PPP1CB: variants seen among roughly 807,000 people sequenced by gnomAD.
PPP1CB encodes the protein protein phosphatase 1 catalytic subunit beta, also known as serine/threonine-protein phosphatase PP1-beta catalytic subunit.
PPP1CB carries 2 observed loss-of-function variants against 43.7 expected under a neutral mutation model. The observed-to-expected ratio is 0.05, with a 90% confidence interval of 0.02 to 0.14. PPP1CB has a LOEUF of 0.14. Ranked by LOEUF, PPP1CB falls within the 10% of genes least tolerant of loss-of-function variation. The pLI, the probability that PPP1CB is intolerant of heterozygous loss-of-function variation, is 1.00. For missense variants in PPP1CB, 84 were observed against 398.0 expected, an observed-to-expected ratio of 0.21 and a Z score of 6.71; for synonymous variants, 136 against 135.6, an observed-to-expected ratio of 1.00 and a Z score of -0.02.
At position 28,800,590 on chromosome 2, in the gene PPP1CB, ATTTC is replaced by A. The variant is rs1386094749; in HGVS notation, c.*1291_*1294del. The A allele has an allele frequency of 6.6e-6, 1 of 152,078 alleles. No individual in the cohort carries two copies. Among genetic ancestry groups the A allele is most frequent in the Non-Finnish European group, 1.5e-5 (1 of 67,804 alleles). 9.4% of individuals were successfully genotyped at this position (152,078 alleles called of 1,614,324 possible). On this transcript the variant is annotated 3_prime_UTR_variant, in exon 8 of 8. Transcript: ENST00000395366. Reference sequence around the variant, plus strand: ...AGTTTATTGCAGCCTTTCTTTTCCTATTTCTTTTTTTTAAGGGTTAGTATTAACA... The same window carrying A: ...AGTTTATTGCAGCCTTTCTTTTCCTATTTTTTTTAAGGGTTAGTATTAACA...
At chr2:28,776,174 C>T (rs190548377) in intron 1 of PPP1CB, among the ~76,000 whole-genome samples, 1 of 151,054 alleles carries the variant, frequency 6.6e-6, no homozygotes, top group African/African-American at 2.4e-5. Flanking sequence ...CTACTAGATG[C>T]GAGATAAGCA....
At chr2:28,774,081 C>G (rs1200782897) in intron 1 of PPP1CB, among the ~76,000 whole-genome samples, 4 of 152,194 alleles carry the variant, frequency 2.6e-5, no homozygotes, top group African/African-American at 9.7e-5. Context: ...GCTTGACTTA[C>G]AAGTTGAAGC....
intron 1 of PPP1CB, among the ~76,000 whole-genome samples, chr2:28,761,556 C>T (rs1287950550): frequency 2.0e-5 from 3 of 152,182 alleles, no homozygotes; most frequent in Non-Finnish European, 4.4e-5. Context: ...GAAATACTAA[C>T]AGAGAGCTCT....
rs1369526583 is a variant in PPP1CB at position 28,802,695 on chromosome 2, G to A, written c.*3392G>A. 1 of 152,190 alleles carries A rather than the reference G, an allele frequency of 6.6e-6. No individual in the cohort carries two copies. The highest frequency in any genetic ancestry group is 1.5e-5 in the Non-Finnish European group (1 of 68,036). 9.4% of individuals were successfully genotyped at this position (152,190 alleles called of 1,614,324 possible). A position where few individuals can be genotyped will look rare whatever the true frequency, so the allele number is the denominator to read the frequency against. ...AGATACAATTGTGATTGGATACTTAGATACTAAGTGAAACTTAGTGTAACA... is the reference window on the plus strand; with the variant it reads ...AGATACAATTGTGATTGGATACTTAAATACTAAGTGAAACTTAGTGTAACA... On this transcript the variant is annotated 3_prime_UTR_variant, in exon 8 of 8. Coordinates refer to ENST00000395366, the MANE Select transcript of PPP1CB (RefSeq NM_002709.3).
chr2:28,794,408 T>A (rs2148060753), intron 7 of PPP1CB, among the ~76,000 whole-genome samples: 1 of 152,252 alleles, frequency 6.6e-6, no homozygotes, highest in Non-Finnish European at 1.5e-5. Context: ...AATAGTTCCC[T>A]GGCTGGGCAC....
chr2:28,757,002 A>G (rs776162620), intron 1 of PPP1CB, among the ~76,000 whole-genome samples: 4 of 152,278 alleles, frequency 2.6e-5, no homozygotes, highest in East Asian at 3.9e-4. Flanking sequence ...TTTCAAACAC[A>G]TATACCCCCC....
At chr2:28,751,703 C>G (rs1234052767), upstream of PPP1CB, 3 of 226,778 alleles carry the variant, frequency 1.3e-5, no homozygotes, top group Non-Finnish European at 2.6e-5. Context: ...GCCCAGGCGT[C>G]GAGGGGAGCC....
At chr2:28,761,803 A>G (rs538373222) in intron 1 of PPP1CB, among the ~76,000 whole-genome samples, 1 of 152,324 alleles carries the variant, frequency 6.6e-6, no homozygotes, top group South Asian at 2.1e-4. Flanking sequence ...AAAATGGTGA[A>G]AAGTGATTTA....
chr2:28,766,054 T>C (rs1666771161), intron 1 of PPP1CB, among the ~76,000 whole-genome samples: 1 of 152,250 alleles, frequency 6.6e-6, no homozygotes, highest in Non-Finnish European at 1.5e-5. Context: ...AGGGGAGCTT[T>C]CATTCTATTT....
chr2:28,786,223 C>A (rs4477866), intron 5 of PPP1CB, among the ~76,000 whole-genome samples: 69,277 of 151,852 alleles, frequency 0.46, 17,188 homozygotes, highest in Middle Eastern at 0.58. Context: ...AAGCAGTTCT[C>A]TTGCTTCAGC....
At chr2:28,752,250 C>T (rs1666318950) in intron 1 of PPP1CB, 74 bp downstream of exon 1, 7 of 1,352,420 alleles carry the variant, frequency 5.2e-6, no homozygotes, top group African/African-American at 1.5e-5. Flanking sequence ...CGTCTGCCGC[C>T]GGAACGCGAG....
In PPP1CB at chr2:28,785,065, C is replaced by CTTTTTTTTTTTTTTTT. The variant is rs769650329; in HGVS notation, c.592+1100_592+1115dup. ...ATGTTGTAATAAATTGTGTTAGGAG[C>CTTTTTTTTTTTTTTTT]TTTTTTTTTTTTTTTTTTTTTTTTT... On this transcript the variant is annotated intron_variant, in intron 5 of 7. Transcript: ENST00000395366. Among the ~76,000 whole-genome samples the CTTTTTTTTTTTTTTTT allele has an allele frequency of 1.7e-3, 91 of 54,996 alleles. 19 individuals are homozygous for CTTTTTTTTTTTTTTTT. The highest frequency in any genetic ancestry group is 2.5e-3 in the Non-Finnish European group (71 of 28,692). 36.1% of individuals were successfully genotyped at this position (54,996 alleles called of 152,430 possible).
chr2:28,756,394 G>C (rs1666489819), intron 1 of PPP1CB, among the ~76,000 whole-genome samples: 1 of 152,182 alleles, frequency 6.6e-6, no homozygotes, highest in Non-Finnish European at 1.5e-5. Flanking sequence ...TGACCTGTCA[G>C]ATGTCTGAAT....
intron 1 of PPP1CB, among the ~76,000 whole-genome samples, chr2:28,762,627 A>G (rs1253788853): frequency 6.6e-6 from 1 of 152,256 alleles, no homozygotes; most frequent in African/African-American, 2.4e-5. Context: ...TGAATTTTAA[A>G]AGAGATGTGG....
chr2:28,794,055 A>C, intron 7 of PPP1CB, 58 bp downstream of exon 7: 1 of 1,434,212 alleles, frequency 7.0e-7, no homozygotes, highest in Non-Finnish European at 9.5e-7. Flanking sequence ...TATTATCAGA[A>C]TTCGTTTTAG....
Position 28,800,085 on chromosome 2 carries a change from A to G in PPP1CB, c.*782A>G, listed in dbSNP as rs1346110762. The G allele has an allele frequency of 6.6e-6, 1 of 152,482 alleles. No homozygotes were observed. The highest frequency in any genetic ancestry group is 1.5e-5 in the Non-Finnish European group (1 of 67,940). 9.4% of individuals were successfully genotyped at this position (152,482 alleles called of 1,614,324 possible). On this transcript the variant is annotated 3_prime_UTR_variant, in exon 8 of 8. Coordinates refer to ENST00000395366, the MANE Select transcript of PPP1CB (RefSeq NM_002709.3). ...TAGCATTTCATTTAAGATAAGGCTC[A>G]TATAGTATTACCCAACTAGTTGGTA...
chr2:28,780,631 A>G (rs1044328692), intron 3 of PPP1CB, among the ~76,000 whole-genome samples: 3 of 152,214 alleles, frequency 2.0e-5, no homozygotes, highest in Non-Finnish European at 2.9e-5. Flanking sequence ...GAAATAATGT[A>G]TGGGAGAGCA....
chr2:28,759,302 G>T (rs978958196), intron 1 of PPP1CB, among the ~76,000 whole-genome samples: 2 of 152,116 alleles, frequency 1.3e-5, no homozygotes, highest in African/African-American at 4.8e-5. Context: ...GACCACTTGA[G>T]GTCAGGAGTT....
chr2:28,751,990 G>A lies in PPP1CB; in HGVS notation c.-135G>A. The A allele has an allele frequency of 1.2e-6, 1 of 835,622 alleles. No homozygotes were observed. The highest frequency in any genetic ancestry group is 1.4e-5 in the South Asian group (1 of 69,486). 51.8% of individuals were successfully genotyped at this position (835,622 alleles called of 1,614,324 possible). A position where few individuals can be genotyped will look rare whatever the true frequency, so the allele number is the denominator to read the frequency against. ...GGGGAGGGGGTGGGGGGAGGGCCCG[G>A]GAAAAGGGGGAGTTGGAGCCGGGGT... On this transcript the variant is annotated 5_prime_UTR_variant, in exon 1 of 8. Coordinates refer to ENST00000395366, the MANE Select transcript of PPP1CB (RefSeq NM_002709.3).
Sources: gnomAD v4.1 joint callset for allele counts (sites outside exome capture counted in the v4.1 genomes callset) on GRCh38, gnomAD v4.1.1 for gene constraint, MANE v1.5 for transcripts, NCBI Gene and HGNC (gene_info 2026-07-23, HGNC 2026-07-21) for gene names.